SRGAP3: variants seen among roughly 807,000 people sequenced by gnomAD.
SRGAP3 encodes the protein SLIT-ROBO Rho GTPase activating protein 3.
In SRGAP3, 39 loss-of-function variants were observed where a neutral mutation model predicts 121.1. The ratio of observed to expected loss-of-function variants is 0.32; its 90% CI spans 0.25 to 0.42. The LOEUF (loss-of-function observed/expected upper bound fraction) is 0.42, where lower values mean the gene tolerates loss of function less well. Among genes scored for constraint, SRGAP3 ranks in the 10% least tolerant of loss-of-function variants. The pLI is 1.00. For missense variants in SRGAP3, 1,213 were observed against 1,470.6 expected, an observed-to-expected ratio of 0.82 and a Z score of 2.86; for synonymous variants, 601 against 570.0, an observed-to-expected ratio of 1.05 and a Z score of -0.77.
At chr3:9,242,000 C>T (rs1953659316) in intron 1 of SRGAP3, among the ~76,000 whole-genome samples, 1 of 150,516 alleles carries the variant, frequency 6.6e-6, no homozygotes, top group Non-Finnish European at 1.5e-5. Flanking sequence ...ATCACTTGAG[C>T]CCAGGGGGTG....
chr3:8,985,445 C>T lies in SRGAP3; in HGVS notation c.*74G>A, dbSNP rs906953263. The T allele has an allele frequency of 5.7e-6, 9 of 1,584,438 alleles. No individual in the cohort carries two copies. In the African/African-American group the frequency reaches 6.7e-5, roughly 12 times the overall value. On this transcript the variant is annotated 3_prime_UTR_variant, in exon 22 of 22. Transcript: ENST00000383836. This position sits in a 1 kb window ranked among gnomAD's most constrained non-coding sequence, Gnocchi z 5.1. ...CCAAGGCCAGGGTCACTGGGAAGCA[C>T]GTGGAAGCCACCAAGGCCACCCTGG...
At chr3:9,006,398 CAAAAAA>C (rs71049762) in intron 18 of SRGAP3, among the ~76,000 whole-genome samples, 1 of 123,014 alleles carries the variant, frequency 8.1e-6, no homozygotes, top group African/African-American at 3.0e-5. Flanking sequence ...GACTCTGTCT[CAAAAAA>C]AAAAAAAAAA....
chr3:9,002,302 A>C (rs1248271924), intron 18 of SRGAP3, among the ~76,000 whole-genome samples: 3 of 152,238 alleles, frequency 2.0e-5, no homozygotes, highest in Non-Finnish European at 4.4e-5. Context: ...AAAACTGGGA[A>C]ACTGACAAAT....
At chr3:9,026,504 C>A (rs1412147232) in intron 13 of SRGAP3, among the ~76,000 whole-genome samples, 1 of 152,182 alleles carries the variant, frequency 6.6e-6, no homozygotes, top group African/African-American at 2.4e-5. Flanking sequence ...AAATCCCAGA[C>A]ATCATTATTA....
At chr3:9,054,603 T>C (rs1191545951) in intron 8 of SRGAP3, among the ~76,000 whole-genome samples, 3 of 152,220 alleles carry the variant, frequency 2.0e-5, no homozygotes, top group Non-Finnish European at 4.4e-5. Flanking sequence ...TGGGTACATG[T>C]TTTCAGGATC....
upstream of SRGAP3, among the ~76,000 whole-genome samples, chr3:9,253,335 C>T (rs537032478): frequency 7.1e-4 from 108 of 152,140 alleles, no homozygotes; most frequent in African/African-American, 2.6e-3. Flanking sequence ...TGTTTCAATA[C>T]GGAGTTCAAC....
At chr3:9,220,245 C>G (rs1952767486) in intron 1 of SRGAP3, among the ~76,000 whole-genome samples, 1 of 152,148 alleles carries the variant, frequency 6.6e-6, no homozygotes, top group African/African-American at 2.4e-5. Flanking sequence ...CCTCAACATC[C>G]TGATTTGATC....
intron 3 of SRGAP3, 37 bp downstream of exon 3, chr3:9,104,643 A>G (rs1466849557): frequency 6.2e-7 from 1 of 1,613,312 alleles, no homozygotes. Flanking sequence ...AGCTTGGGGC[A>G]AAGACCTGGG....
chr3:9,210,086 C>T (rs1005439710), intron 1 of SRGAP3, among the ~76,000 whole-genome samples: 6 of 151,596 alleles, frequency 4.0e-5, no homozygotes, highest in African/African-American at 1.2e-4. Context: ...CATTTATATG[C>T]AATGCCCATA....
At chr3:9,155,829 T>C (rs1019176643) in intron 1 of SRGAP3, among the ~76,000 whole-genome samples, 10 of 152,252 alleles carry the variant, frequency 6.6e-5, no homozygotes, top group African/African-American at 2.2e-4. Flanking sequence ...TGCTTTCTTT[T>C]TCTTGAGACG....
At chr3:9,301,546 A>C (rs936838289) in intron 3 of SRGAP3, among the ~76,000 whole-genome samples, 1 of 152,216 alleles carries the variant, frequency 6.6e-6, no homozygotes, top group Admixed American at 6.5e-5. Flanking sequence ...ATCTCACTCT[A>C]CAGACCATGG....
chr3:9,246,054 C>A (rs1322785213), intron 1 of SRGAP3, among the ~76,000 whole-genome samples: 1 of 152,168 alleles, frequency 6.6e-6, no homozygotes, highest in East Asian at 1.9e-4. Context: ...GCTTCATAAT[C>A]AAAAGGCTTC....
At chr3:9,255,738 G>C (rs1418749315) in intron 3 of SRGAP3, among the ~76,000 whole-genome samples, 1 of 152,112 alleles carries the variant, frequency 6.6e-6, no homozygotes, top group Non-Finnish European at 1.5e-5. Flanking sequence ...GAGGAGGTTG[G>C]GCAAAGTCAA....
At chr3:9,352,028 C>G (rs995934947) in intron 1 of SRGAP3, among the ~76,000 whole-genome samples, 4 of 152,170 alleles carry the variant, frequency 2.6e-5, no homozygotes, top group Non-Finnish European at 5.9e-5. Context: ...AACAGACAAC[C>G]TGGAACCAGC....
chr3:8,995,774 G>C lies in SRGAP3; in HGVS notation c.2228-1251C>G, dbSNP rs1942363765. On this transcript the variant is annotated intron_variant, in intron 18 of 21. Transcript: ENST00000383836. The stretch of plus-strand genomic sequence containing the variant: ...TCTACCCTAAGAAGTGTCCATATGT[G>C]GTAGAAAACTGATTTTGTATAGGTA... Among the ~76,000 whole-genome samples the C allele has an allele frequency of 1.3e-5, 2 of 152,182 alleles. 1 individual carries two copies. Among genetic ancestry groups the C allele is most frequent in the South Asian group, 4.2e-4 (2 of 4,812 alleles).
intron 18 of SRGAP3, among the ~76,000 whole-genome samples, chr3:9,004,747 T>G (rs1395995643): frequency 6.6e-6 from 1 of 152,224 alleles, no homozygotes; most frequent in Non-Finnish European, 1.5e-5. Context: ...GTTTGACCAT[T>G]ACCTTATGCC....
intron 4 of SRGAP3, 97 bp from the exon 5 acceptor site, chr3:9,064,678 T>G: frequency 6.9e-7 from 1 of 1,448,504 alleles, no homozygotes; most frequent in Non-Finnish European, 9.5e-7. Context: ...ACACTCTAGC[T>G]GGCCACTGCC....
At chr3:9,102,471 GGTGA>G (rs1375088059) in intron 3 of SRGAP3, among the ~76,000 whole-genome samples, 2 of 152,208 alleles carry the variant, frequency 1.3e-5, no homozygotes, top group African/African-American at 4.8e-5. Flanking sequence ...TGTAAAATGA[GGTGA>G]GTGAGGATCC....
intron 1 of SRGAP3, chr3:9,355,905 T>A (rs374231544): frequency 6.6e-6 from 1 of 152,180 alleles, no homozygotes; most frequent in African/African-American, 2.4e-5. Context: ...AGAACACACA[T>A]GAGAGGGAGA....
Sources: allele counts gnomAD v4.1 joint callset (sites outside exome capture counted in the v4.1 genomes callset), GRCh38; gene constraint gnomAD v4.1.1; non-coding constraint Gnocchi (gnomAD v3.1); transcripts MANE v1.5; gene names NCBI Gene and HGNC (gene_info 2026-07-23, HGNC 2026-07-21).